The following GLIS3 variants were observed in gnomAD, a reference collection of about 807,000 sequenced individuals.
The protein encoded by GLIS3 is zinc finger protein GLIS3.
GLIS3 carries 53 observed loss-of-function variants against 78.6 expected under a neutral mutation model. That is an observed-to-expected ratio of 0.67 (90% CI 0.54 to 0.85). The LOEUF is 0.85. Ranked by LOEUF, GLIS3 falls within the 40% of genes least tolerant of loss-of-function variation. The pLI is 0.00. For missense variants in GLIS3, 1,703 were observed against 1,231.1 expected, an observed-to-expected ratio of 1.38 and a Z score of -5.74; for synonymous variants, 684 against 509.9, an observed-to-expected ratio of 1.34 and a Z score of -4.60.
intron 2 of GLIS3, among the ~76,000 whole-genome samples, chr9:4,284,132 G>A (rs1827787117): frequency 6.6e-6 from 1 of 152,162 alleles, no homozygotes; most frequent in Non-Finnish European, 1.5e-5. Context: ...CTCCTTACTG[G>A]CTGGTGCCTC....
At position 4,057,414 on chromosome 9, in the gene GLIS3, T is replaced by C. The variant is rs559229112; in HGVS notation, c.1710+60354A>G. ...TAATAAAGATATCATAACATTTTTA[T>C]GCTAAAGAGCTTGATAGGAAAGCAC... On this transcript the variant is annotated intron_variant, in intron 4 of 10. Transcript: ENST00000381971. 1.7e-3 allele frequency among the ~76,000 whole-genome samples: 264 copies of C among 152,306 alleles called. 10 individuals are homozygous for C. In the South Asian group the frequency reaches 0.053, roughly 31 times the overall value.
chr9:4,159,989 T>C (rs1835352380), intron 2 of GLIS3, among the ~76,000 whole-genome samples: 1 of 152,324 alleles, frequency 6.6e-6, no homozygotes, highest in South Asian at 2.1e-4. Context: ...AATATCATCA[T>C]TGTGATCATC....
chr9:4,187,746 C>A (rs907974754), intron 2 of GLIS3, among the ~76,000 whole-genome samples: 11 of 152,210 alleles, frequency 7.2e-5, no homozygotes, highest in African/African-American at 2.6e-4. Flanking sequence ...GTATTTTATT[C>A]TCTTTGAAGC....
chr9:4,202,395 C>T (rs1819484713), intron 2 of GLIS3, among the ~76,000 whole-genome samples: 1 of 150,088 alleles, frequency 6.7e-6, no homozygotes, highest in Non-Finnish European at 1.5e-5. Context: ...TTGTGATCCA[C>T]CCACCTCAGC....
At chr9:4,107,640 T>C (rs950627686) in intron 4 of GLIS3, among the ~76,000 whole-genome samples, 2 of 152,184 alleles carry the variant, frequency 1.3e-5, no homozygotes, top group Admixed American at 6.5e-5. Flanking sequence ...TTAAATATCA[T>C]GTTACTGCCC....
chr9:4,131,899 T>C (rs1196506346), intron 2 of GLIS3, among the ~76,000 whole-genome samples: 1 of 152,170 alleles, frequency 6.6e-6, no homozygotes, highest in African/African-American at 2.4e-5. Flanking sequence ...GATTGTTACA[T>C]GCCTGTCATT....
chr9:3,932,280 G>C, intron 6 of GLIS3, 80 bp downstream of exon 6: 1 of 1,061,608 alleles, frequency 9.4e-7, no homozygotes, highest in Non-Finnish European at 1.5e-6. Flanking sequence ...AGAATTTCAA[G>C]TGCCCTGCAG....
intron 2 of GLIS3, among the ~76,000 whole-genome samples, chr9:4,241,873 G>A (rs1000865651): frequency 1.3e-5 from 2 of 151,904 alleles, no homozygotes; most frequent in Non-Finnish European, 2.9e-5. Flanking sequence ...ATGTAGAGAC[G>A]GGGTTTTGCC....
intron 2 of GLIS3, among the ~76,000 whole-genome samples, chr9:4,323,776 T>G (rs1817568393): frequency 6.6e-6 from 1 of 152,234 alleles, no homozygotes; most frequent in African/African-American, 2.4e-5. Flanking sequence ...TGTCTATGTT[T>G]GATTGCTATT....
chr9:3,865,802 G>A (rs916028613), intron 8 of GLIS3, among the ~76,000 whole-genome samples: 1 of 152,172 alleles, frequency 6.6e-6, no homozygotes, highest in African/African-American at 2.4e-5. Context: ...GACTTCCTTG[G>A]CACTTAAAAC....
At chr9:4,445,734 G>T in the GLIS3 span, among the ~76,000 whole-genome samples, 2 of 152,204 alleles carry the variant, frequency 1.3e-5, no homozygotes, top group African/African-American at 4.8e-5. Flanking sequence ...GACACAGCAT[G>T]TTAGGCGCAA....
chr9:3,983,784 G>A (rs1481933259), intron 4 of GLIS3, among the ~76,000 whole-genome samples: 1 of 152,206 alleles, frequency 6.6e-6, no homozygotes, highest in African/African-American at 2.4e-5. Context: ...GAGCATTCAA[G>A]AGGTGACTTG....
At chr9:4,016,262 A>T (rs1822429103) in intron 4 of GLIS3, among the ~76,000 whole-genome samples, 1 of 152,146 alleles carries the variant, frequency 6.6e-6, no homozygotes. Context: ...TGGACATCTG[A>T]AGCTCTATTA....
intron 4 of GLIS3, among the ~76,000 whole-genome samples, chr9:3,974,425 T>C (rs1818615963): frequency 6.6e-6 from 1 of 152,178 alleles, no homozygotes; most frequent in African/African-American, 2.4e-5. Flanking sequence ...TATAAAAAGG[T>C]AGTAAGTTCC....
intron 7 of GLIS3, among the ~76,000 whole-genome samples, chr9:3,880,180 A>C (rs890889165): frequency 3.9e-5 from 6 of 152,172 alleles, no homozygotes; most frequent in African/African-American, 1.4e-4. Context: ...TGGTGTGATG[A>C]ATATACTTGG....
At chr9:4,464,272 A>G in the GLIS3 span, among the ~76,000 whole-genome samples, 1 of 152,118 alleles carries the variant, frequency 6.6e-6, no homozygotes, top group Non-Finnish European at 1.5e-5. Flanking sequence ...AGCATTTAAT[A>G]AAATTGTTTT....
At chr9:4,263,763 G>C (rs899386731) in intron 2 of GLIS3, among the ~76,000 whole-genome samples, 1 of 152,162 alleles carries the variant, frequency 6.6e-6, no homozygotes. Context: ...ATCTGGCCTA[G>C]TTGATCACTC....
At chr9:3,997,686 T>C (rs994684003) in intron 4 of GLIS3, among the ~76,000 whole-genome samples, 1 of 151,300 alleles carries the variant, frequency 6.6e-6, no homozygotes, top group Non-Finnish European at 1.5e-5. Context: ...TAAAAAAAAA[T>C]AGCAAACTAA....
chr9:4,427,513 T>C, the GLIS3 span, among the ~76,000 whole-genome samples: 1 of 152,114 alleles, frequency 6.6e-6, no homozygotes, highest in Non-Finnish European at 1.5e-5. Flanking sequence ...AGATAACAAC[T>C]GGTCTGCAGG....
Sources: gnomAD v4.1 joint callset for allele counts (sites outside exome capture counted in the v4.1 genomes callset) on GRCh38, gnomAD v4.1.1 for gene constraint, MANE v1.5 for transcripts, NCBI Gene and HGNC (gene_info 2026-07-23, HGNC 2026-07-21) for gene names.